The following COL24A1 variants were observed in gnomAD, a reference collection of about 807,000 sequenced individuals.
The protein encoded by COL24A1 is collagen alpha-1(XXIV) chain.
In COL24A1, 224 loss-of-function variants were observed where a neutral mutation model predicts 253.9. That is an observed-to-expected ratio of 0.88 (90% CI 0.79 to 0.99). The LOEUF (loss-of-function observed/expected upper bound fraction) is 0.99, where lower values mean the gene tolerates loss of function less well. Ranked by LOEUF, COL24A1 falls within the 50% of genes least tolerant of loss-of-function variation. The pLI is 0.00. For missense variants in COL24A1, 2,131 were observed against 2,068.5 expected, an observed-to-expected ratio of 1.03 and a Z score of -0.59; for synonymous variants, 685 against 673.7, an observed-to-expected ratio of 1.02 and a Z score of -0.26.
intron 18 of COL24A1, among the ~76,000 whole-genome samples, chr1:86,020,535 G>C (rs1559030638): frequency 6.6e-6 from 1 of 152,010 alleles, no homozygotes; most frequent in Non-Finnish European, 1.5e-5. Flanking sequence ...TAATCAAAGA[G>C]TAAGGAACAC....
chr1:85,902,314 G>A (rs1684396599), intron 28 of COL24A1, among the ~76,000 whole-genome samples: 1 of 152,176 alleles, frequency 6.6e-6, no homozygotes, highest in Non-Finnish European at 1.5e-5. Context: ...TACAATTGAA[G>A]GCTGCAATGG....
chr1:85,863,224 G>A (rs540645128), intron 37 of COL24A1, among the ~76,000 whole-genome samples: 4 of 152,272 alleles, frequency 2.6e-5, no homozygotes, highest in Non-Finnish European at 4.4e-5. Context: ...GGGCTGAGAC[G>A]ATGGGGTTTT....
rs1663324585 is a variant in COL24A1, at chr1:85,730,057, G to A, written c.*489C>T. On this transcript the variant is annotated 3_prime_UTR_variant, in exon 60 of 60. Transcript: ENST00000370571. ...CAACACAAAGAGGCAACACGTAAGA[G>A]GTAGTGTATCACCGGCTAAGATGTA... 6.5e-6 allele frequency: 1 copy of A among 152,752 alleles called. No homozygotes were observed. Among genetic ancestry groups the A allele is most frequent in the Non-Finnish European group, 1.5e-5 (1 of 68,152 alleles). The allele number at this position is 152,752 out of a possible 1,614,324, so 9.5% of individuals were successfully genotyped here.
chr1:86,141,870 T>G (rs1651140133), intron 2 of COL24A1, among the ~76,000 whole-genome samples: 1 of 151,958 alleles, frequency 6.6e-6, no homozygotes, highest in African/African-American at 2.4e-5. Context: ...CCGGCTAATG[T>G]TTTTGTATTT....
chr1:86,147,607 A>G (rs1486013063), intron 1 of COL24A1, among the ~76,000 whole-genome samples: 1 of 152,212 alleles, frequency 6.6e-6, no homozygotes, highest in Non-Finnish European at 1.5e-5. Flanking sequence ...AGGAACTTGT[A>G]AAAAATGCAG....
chr1:85,874,804 A>G (rs1680946586), intron 34 of COL24A1, 102 bp from the exon 35 acceptor site: 7 of 1,275,466 alleles, frequency 5.5e-6, no homozygotes, highest in Non-Finnish European at 6.6e-6. Context: ...CCTGGGCCGT[A>G]GAGGGTACCT....
chr1:85,875,292 A>G lies in COL24A1; in HGVS notation c.3069T>C (p.Gly1023=). Residue 1023 remains glycine (G), a synonymous_variant, in exon 34 of 60, where the codon GGT becomes GGC. Transcript: ENST00000370571. ...AGAAGGTTACCTTTGCACCTGGTTCACCTTGCAGACCAGACTCTCCCTCAG... is the reference window on the plus strand; with the variant it reads ...AGAAGGTTACCTTTGCACCTGGTTCGCCTTGCAGACCAGACTCTCCCTCAG... ...PGTEGESGLQ[G]EPGAKGDVGT... 6.2e-7 allele frequency: 1 copy of G among 1,613,818 alleles called. No individual in the cohort carries two copies. Among genetic ancestry groups the G allele is most frequent in the African/African-American group, 1.3e-5 (1 of 75,022 alleles).
intron 43 of COL24A1, among the ~76,000 whole-genome samples, chr1:85,832,641 C>G (rs568843773): frequency 1.1e-4 from 16 of 151,000 alleles, no homozygotes; most frequent in Non-Finnish European, 2.1e-4. Flanking sequence ...AGGTCCTTCA[C>G]GTCCCTTGTA....
chr1:85,833,262 C>G (rs1282580571), intron 43 of COL24A1, among the ~76,000 whole-genome samples: 5 of 151,894 alleles, frequency 3.3e-5, no homozygotes, highest in Admixed American at 6.6e-5. Context: ...TGAACTCAAG[C>G]AAATTTACAA....
chr1:86,127,681 A>C (rs1161694173), intron 2 of COL24A1, among the ~76,000 whole-genome samples: 2 of 91,170 alleles, frequency 2.2e-5, no homozygotes, highest in Non-Finnish European at 5.0e-5. Flanking sequence ...AAGTGAAAAA[A>C]ATAAAAGTCT....
chr1:85,830,209 G>T (rs913772925), intron 43 of COL24A1, among the ~76,000 whole-genome samples: 6 of 150,324 alleles, frequency 4.0e-5, no homozygotes, highest in Non-Finnish European at 6.0e-5. Context: ...GCCCCTGCTG[G>T]GGGGTGCCTC....
At chr1:86,074,581 T>C (rs147333991) in intron 7 of COL24A1, among the ~76,000 whole-genome samples, 1,571 of 152,278 alleles carry the variant, frequency 0.01, 40 homozygotes, top group African/African-American at 0.035. Context: ...ATTTAGGACT[T>C]GAACTCAGCT....
intron 11 of COL24A1, among the ~76,000 whole-genome samples, chr1:86,048,060 T>C (rs948608485): frequency 1.3e-5 from 2 of 152,200 alleles, no homozygotes; most frequent in African/African-American, 4.8e-5. Context: ...TATATTTACA[T>C]AATACAAACA....
chr1:85,869,478 A>T (rs1232283456), intron 35 of COL24A1, among the ~76,000 whole-genome samples: 2 of 152,230 alleles, frequency 1.3e-5, no homozygotes, highest in Admixed American at 1.3e-4. Flanking sequence ...AGGAAAGCCC[A>T]TCAGACTAAC....
chr1:86,142,548 C>CAA (rs1232309975), intron 2 of COL24A1, among the ~76,000 whole-genome samples: 13 of 145,056 alleles, frequency 9.0e-5, no homozygotes, highest in Non-Finnish European at 2.0e-4. Context: ...AAACAAAAAA[C>CAA]AAAAAAAACA....
intron 32 of COL24A1, among the ~76,000 whole-genome samples, chr1:85,884,524 G>A (rs1358472305): frequency 6.6e-6 from 1 of 152,114 alleles, no homozygotes; most frequent in Non-Finnish European, 1.5e-5. Flanking sequence ...TGTAAGGTAT[G>A]AGTGTAGGAA....
chr1:85,960,881 C>T (rs1690973290), intron 24 of COL24A1: 1 of 134,130 alleles, frequency 7.5e-6, no homozygotes, highest in Admixed American at 8.9e-5. Context: ...AAGACTCCAT[C>T]TCAATAAATA....
intron 20 of COL24A1, among the ~76,000 whole-genome samples, chr1:85,985,419 T>C (rs1227155199): frequency 6.6e-6 from 1 of 151,768 alleles, no homozygotes; most frequent in Non-Finnish European, 1.5e-5. Flanking sequence ...GAGGGTTTGG[T>C]CATAAAGAAC....
At chr1:86,089,911 C>G (rs1290664440) in intron 6 of COL24A1, among the ~76,000 whole-genome samples, 2 of 152,218 alleles carry the variant, frequency 1.3e-5, no homozygotes, top group Non-Finnish European at 2.9e-5. Flanking sequence ...GTCACCCCTA[C>G]TCCGTTTCTG....
Sources: allele counts gnomAD v4.1 joint callset (sites outside exome capture counted in the v4.1 genomes callset), GRCh38; gene constraint gnomAD v4.1.1; transcripts MANE v1.5; gene names NCBI Gene and HGNC (gene_info 2026-07-23, HGNC 2026-07-21).